The following PHLPP1 variants were observed in gnomAD, a reference collection of about 807,000 sequenced individuals.
PHLPP1 encodes PH domain and leucine rich repeat protein phosphatase 1, also known as PH domain leucine-rich repeat-containing protein phosphatase 1.
Under a neutral mutation model 117.2 loss-of-function variants are expected in PHLPP1, and 42 were observed. The ratio of observed to expected loss-of-function variants is 0.36; its 90% confidence interval spans 0.28 to 0.46. The LOEUF (loss-of-function observed/expected upper bound fraction) is 0.46. PHLPP1 is among the 20% of genes least tolerant of loss of function. The probability of loss-of-function intolerance (pLI) is 1.00; values close to 1 mark genes in which losing one functional copy is unlikely to be tolerated. For synonymous variants in PHLPP1, 1,042 were observed against 970.7 expected, an observed-to-expected ratio of 1.07 and a Z score of -1.37; for missense variants, 2,084 against 2,241.9, an observed-to-expected ratio of 0.93 and a Z score of 1.42.
At chr18:62,950,324 T>C (rs2144464917) in intron 12 of PHLPP1, among the ~76,000 whole-genome samples, 1 of 152,358 alleles carries the variant, frequency 6.6e-6, no homozygotes, top group East Asian at 1.9e-4. Context: ...AGTTTTAATA[T>C]GCTATACTCT....
intron 1 of PHLPP1, among the ~76,000 whole-genome samples, chr18:62,805,523 A>G (rs921575585): frequency 2.0e-5 from 3 of 151,946 alleles, no homozygotes; most frequent in Non-Finnish European, 4.4e-5. Context: ...CACCTGGCTA[A>G]CTTTTTAATT....
chr18:62,824,236 A>G (rs1466348099), intron 1 of PHLPP1: 1 of 455,770 alleles, frequency 2.2e-6, no homozygotes, highest in Admixed American at 2.4e-5. Flanking sequence ...AATCCTAGGT[A>G]TTTACCCGAG....
chr18:62,849,447 G>A (rs560891500), intron 3 of PHLPP1, among the ~76,000 whole-genome samples: 8 of 151,968 alleles, frequency 5.3e-5, no homozygotes, highest in Non-Finnish European at 7.4e-5. Context: ...GATCACCTGA[G>A]GTCAGGAGTT....
intron 4 of PHLPP1, among the ~76,000 whole-genome samples, chr18:62,885,817 C>T (rs540128767): frequency 2.3e-4 from 35 of 152,286 alleles, no homozygotes; most frequent in African/African-American, 7.9e-4. Flanking sequence ...GAATATTACA[C>T]CTCAAAATTT....
intron 9 of PHLPP1, among the ~76,000 whole-genome samples, chr18:62,916,999 C>A (rs915675234): frequency 5.3e-5 from 8 of 150,668 alleles, no homozygotes; most frequent in African/African-American, 1.9e-4. Context: ...GGTGATCCGC[C>A]TGCCTCAGCC....
At chr18:62,831,178 A>C (rs1181476315) in intron 2 of PHLPP1, among the ~76,000 whole-genome samples, 1 of 152,096 alleles carries the variant, frequency 6.6e-6, no homozygotes, top group Non-Finnish European at 1.5e-5. Context: ...TTTCTTTGTC[A>C]GAGTTATTTA....
chr18:62,753,357 G>C (rs1911917098), intron 1 of PHLPP1, among the ~76,000 whole-genome samples: 1 of 152,156 alleles, frequency 6.6e-6, no homozygotes, highest in African/African-American at 2.4e-5. Flanking sequence ...CACTTAAGAA[G>C]ACTTTTACAA....
intron 12 of PHLPP1, among the ~76,000 whole-genome samples, chr18:62,955,411 C>T (rs1910583238): frequency 6.6e-6 from 1 of 152,152 alleles, no homozygotes; most frequent in Non-Finnish European, 1.5e-5. Context: ...TGACAGCATA[C>T]AAGGAGTACA....
At chr18:62,732,699 G>A (rs1911261155) in intron 1 of PHLPP1, among the ~76,000 whole-genome samples, 1 of 152,194 alleles carries the variant, frequency 6.6e-6, no homozygotes, top group South Asian at 2.1e-4. Context: ...AAAATAAATT[G>A]AGAACCTTTT....
intron 14 of PHLPP1, among the ~76,000 whole-genome samples, chr18:62,969,210 T>C (rs1284120489): frequency 6.6e-6 from 1 of 152,116 alleles, no homozygotes; most frequent in Non-Finnish European, 1.5e-5. Context: ...CTCAACTGCT[T>C]TTCTTATTTT....
intron 1 of PHLPP1, among the ~76,000 whole-genome samples, chr18:62,744,459 A>G (rs959079478): frequency 2.0e-5 from 3 of 152,264 alleles, no homozygotes; most frequent in African/African-American, 7.2e-5. Context: ...TCAGAGTGCC[A>G]GCTGAAGTTC....
intron 14 of PHLPP1, among the ~76,000 whole-genome samples, chr18:62,970,549 G>A (rs945323824): frequency 1.3e-5 from 2 of 152,140 alleles, no homozygotes; most frequent in East Asian, 1.9e-4. Flanking sequence ...CGGATCGCTC[G>A]AGATCAGGAG....
chr18:62,716,738 T>A lies in PHLPP1; in HGVS notation c.1055T>A (p.Leu352Gln). The A allele has an allele frequency of 6.6e-6, 10 of 1,512,616 alleles. No individual in the cohort carries two copies. Among genetic ancestry groups the A allele is most frequent in the Non-Finnish European group, 8.8e-6 (10 of 1,136,054 alleles). The allele number at this position is 1,512,616 out of a possible 1,614,324, so 93.7% of individuals were successfully genotyped here. A position where few individuals can be genotyped will look rare whatever the true frequency, so the allele number is the denominator to read the frequency against. The change falls in exon 1 of 17, where the codon CTG (leucine) becomes CAG (glutamine). Residue 352 changes from leucine to glutamine, a missense_variant. By Grantham distance (113) the Leu-to-Gln change is moderately radical. Around this residue, in one of 2 missense-constraint regions of PHLPP1, gnomAD observed 719 missense variants for 636.0 expected, o/e 1.13. Transcript: ENST00000262719. This position sits in a 1 kb window ranked among gnomAD's most constrained non-coding sequence, Gnocchi z 5.7. ...GTCTCCGACACCGAGAGCTTCAGTCTGAGTCCCAGCGCCGAGAGCGTGTCT... is the reference window on the plus strand; with the variant it reads ...GTCTCCGACACCGAGAGCTTCAGTCAGAGTCCCAGCGCCGAGAGCGTGTCT... ...PVVSDTESFS[L>Q]SPSAESVSDR...
chr18:62,940,752 C>T (rs1910110496), intron 10 of PHLPP1, among the ~76,000 whole-genome samples: 1 of 152,070 alleles, frequency 6.6e-6, no homozygotes, highest in South Asian at 2.1e-4. Flanking sequence ...TATTTAAGTA[C>T]AATATAAATA....
In PHLPP1 at chr18:62,716,587, C is replaced by T. The variant is rs1362547282; in HGVS notation, c.904C>T (p.Leu302=). The change falls in exon 1 of 17, where the codon CTA becomes TTA. Residue 302 remains leucine, a synonymous_variant. Coordinates refer to ENST00000262719, the MANE Select transcript of PHLPP1 (RefSeq NM_194449.4). This position sits in a 1 kb window ranked among gnomAD's most constrained non-coding sequence, Gnocchi z 5.7. ...GCCTCCGCGCGCGCCCCCCGCCGAC[C>T]TACCCCTGCCCGTCGGCGGCCCGGG... is the stretch of plus-strand genomic sequence containing the variant. The part of the protein sequence containing the change: ...GGPPRAPPAD[L]PLPVGGPGGW... The T allele has an allele frequency of 1.7e-5, 21 of 1,243,564 alleles. No homozygotes were observed. Among genetic ancestry groups the T allele is most frequent in the Non-Finnish European group, 2.1e-5 (21 of 994,596 alleles). 77.0% of individuals were successfully genotyped at this position (1,243,564 alleles called of 1,614,324 possible).
intron 14 of PHLPP1, among the ~76,000 whole-genome samples, chr18:62,971,312 A>G (rs781056940): frequency 6.0e-5 from 9 of 150,982 alleles, no homozygotes; most frequent in Non-Finnish European, 8.8e-5. Flanking sequence ...TCCCTATAGT[A>G]TAGTAGGCTG....
chr18:62,960,775 T>G (rs1051868645), intron 13 of PHLPP1, among the ~76,000 whole-genome samples: 1 of 152,228 alleles, frequency 6.6e-6, no homozygotes, highest in Admixed American at 6.5e-5. Flanking sequence ...TTTTAAAATA[T>G]TCACTTACTC....
At chr18:62,761,868 C>CA (rs2144249991) in intron 1 of PHLPP1, among the ~76,000 whole-genome samples, 2 of 152,116 alleles carry the variant, frequency 1.3e-5, no homozygotes, top group Admixed American at 1.3e-4. Context: ...CTCAGCCTCT[C>CA]AAAGTGTTGG....
chr18:62,719,494 C>T (rs1910854624), intron 1 of PHLPP1, among the ~76,000 whole-genome samples: 1 of 152,140 alleles, frequency 6.6e-6, no homozygotes, highest in Admixed American at 6.5e-5. Context: ...AAGGTTTGCA[C>T]CAGGCTGGAA....
Sources: gnomAD v4.1 joint callset for allele counts (sites outside exome capture counted in the v4.1 genomes callset) on GRCh38, gnomAD v4.1.1 for gene constraint, gnomAD v4.1.1 regional missense constraint, Gnocchi (gnomAD v3.1) non-coding constraint, MANE v1.5 for transcripts, NCBI Gene and HGNC (gene_info 2026-07-23, HGNC 2026-07-21) for gene names.